Variants in WNK3 observed in about 807,000 individuals in gnomAD.
WNK3 encodes WNK lysine deficient protein kinase 3, also known as serine/threonine-protein kinase WNK3.
Under a neutral mutation model 116.7 loss-of-function variants are expected in WNK3, and 18 were observed. The ratio of observed to expected loss-of-function variants is 0.15; its 90% CI spans 0.11 to 0.23. The LOEUF (loss-of-function observed/expected upper bound fraction) is 0.23, where lower values mean the gene tolerates loss of function less well. WNK3 is among the 10% of genes least tolerant of loss of function. The pLI, the probability that WNK3 is intolerant of heterozygous loss-of-function variation, is 1.00. For missense variants in WNK3, 993 were observed against 1,323.8 expected (o/e 0.75, Z 3.88); for synonymous variants, 404 against 469.4 (o/e 0.86, Z 1.80).
chrX:54,330,906 G>A (rs1324730875), intron 2 of WNK3, among the ~76,000 whole-genome samples: 2 of 111,500 alleles, frequency 1.8e-5, no homozygotes, highest in Admixed American at 9.6e-5. Context: ...CCAGCTACTC[G>A]AGAGGCTGAA....
intron 10 of WNK3, among the ~76,000 whole-genome samples, chrX:54,285,672 T>C (rs1482571101): frequency 8.9e-6 from 1 of 112,089 alleles, no homozygotes; most frequent in Non-Finnish European, 1.9e-5. Context: ...AGAGATTATA[T>C]AGCCTGCAAA....
exon 6 of WNK3, chrX:54,301,780 T>A: frequency 8.3e-7 from 1 of 1,206,381 alleles, no homozygotes; most frequent in Non-Finnish European, 1.1e-6. Context: ...CCTTTCAGAT[T>A]TGTTTTGACG....
intron 15 of WNK3, 37 bp downstream of exon 15, chrX:54,251,362 C>T: frequency 9.6e-7 from 1 of 1,044,398 alleles, no homozygotes; most frequent in Non-Finnish European, 1.3e-6. Flanking sequence ...TGTCTTGCTT[C>T]AAAAACCAAA....
chrX:54,215,927 T>C (rs1557145158), intron 22 of WNK3, among the ~76,000 whole-genome samples: 2 of 111,755 alleles, frequency 1.8e-5, no homozygotes, highest in South Asian at 3.7e-4. Flanking sequence ...CATTTTGTTC[T>C]GTACTAAGAA....
At chrX:54,207,702 T>A (rs1166574198) in intron 22 of WNK3, among the ~76,000 whole-genome samples, 1 of 108,957 alleles carries the variant, frequency 9.2e-6, no homozygotes, top group East Asian at 2.9e-4. Flanking sequence ...TTAGTAGAGA[T>A]GGGGTATCAC....
intron 10 of WNK3, among the ~76,000 whole-genome samples, chrX:54,266,239 A>C (rs1232544690): frequency 9.0e-6 from 1 of 111,397 alleles, no homozygotes; most frequent in Non-Finnish European, 1.9e-5. Context: ...GGAGCTAAAA[A>C]TTATAACAAT....
chrX:54,286,957 C>T (rs141222264), intron 10 of WNK3, among the ~76,000 whole-genome samples: 1 of 109,251 alleles, frequency 9.2e-6, no homozygotes, highest in African/African-American at 3.3e-5. Context: ...AACTAAATCT[C>T]ACTGAAGCCA....
At chrX:54,301,003 G>A (rs2068751507) in intron 6 of WNK3, among the ~76,000 whole-genome samples, 1 of 110,804 alleles carries the variant, frequency 9.0e-6, no homozygotes, top group Admixed American at 9.7e-5. Flanking sequence ...AGCACTTTGG[G>A]AGGCTGAGAC....
chrX:54,270,703 A>AGGTATTTGTCCT (rs1275894219), intron 10 of WNK3, among the ~76,000 whole-genome samples: 1 of 109,846 alleles, frequency 9.1e-6, no homozygotes, highest in African/African-American at 3.3e-5. Context: ...CGCATGCATT[A>AGGTATTTGTCCT]GGTATTTGTC....
intron 11 of WNK3, among the ~76,000 whole-genome samples, 155 bp downstream of exon 11, chrX:54,259,119 C>CA (rs58139835): frequency 0.025 from 1,112 of 45,193 alleles, 5 homozygotes; most frequent in Non-Finnish European, 0.039. Context: ...CATAAAAAAG[C>CA]AAAAAAAAAA....
At chrX:54,227,822 A>G (rs2067859263) in intron 22 of WNK3, among the ~76,000 whole-genome samples, 1 of 112,943 alleles carries the variant, frequency 8.9e-6, no homozygotes, top group Non-Finnish European at 1.9e-5. Context: ...AAAAGTCACA[A>G]AAGACCACAT....
chrX:54,328,020 G>T (rs1289006571), intron 2 of WNK3, among the ~76,000 whole-genome samples: 1 of 108,553 alleles, frequency 9.2e-6, no homozygotes, highest in Non-Finnish European at 1.9e-5. Flanking sequence ...CATTAGGGGA[G>T]AAAATTAAGC....
chrX:54,324,923 C>G lies in WNK3; in HGVS notation c.537+8214G>C, dbSNP rs2069081236. ...TCGTATCTAATTCTAATTTCACAATCAAATGTAATAGGGCTAATGTCTCAA... is the reference window on the plus strand; with the variant it reads ...TCGTATCTAATTCTAATTTCACAATGAAATGTAATAGGGCTAATGTCTCAA... On this transcript the variant is annotated intron_variant, in intron 2 of 23. Coordinates refer to ENST00000354646, the Ensembl canonical transcript of WNK3. 1.8e-5 allele frequency among the ~76,000 whole-genome samples: 2 copies of G among 112,146 alleles called. 1 individual carries two copies. Among genetic ancestry groups the G allele is most frequent in the African/African-American group, 6.5e-5 (2 of 30,947 alleles).
chrX:54,248,037 T>C (rs782308201), intron 17 of WNK3, among the ~76,000 whole-genome samples: 2 of 110,436 alleles, frequency 1.8e-5, no homozygotes, highest in South Asian at 7.9e-4. Flanking sequence ...GGTCAAGAGT[T>C]CGAGACCAGC....
chrX:54,312,362 A>C (rs1275431750), intron 2 of WNK3, among the ~76,000 whole-genome samples: 1 of 111,240 alleles, frequency 9.0e-6, no homozygotes, highest in African/African-American at 3.3e-5. Flanking sequence ...TGTTAGAAAA[A>C]TTTTGTTATC....
At chrX:54,223,185 T>C (rs1241977853) in intron 22 of WNK3, 5 of 109,645 alleles carry the variant, frequency 4.6e-5, no homozygotes, top group Non-Finnish European at 9.5e-5. Flanking sequence ...ATGATAACAA[T>C]AAACACAATT....
At position 54,226,593 on chromosome X, in the gene WNK3, G is replaced by A. The variant is rs1324107839; in HGVS notation, c.4870+2121C>T. Among the ~76,000 whole-genome samples the A allele has an allele frequency of 3.7e-5, 4 of 108,883 alleles. No homozygotes were observed. In the Admixed American group the frequency reaches 3.9e-4, roughly 11 times the overall value. 94.6% of individuals were successfully genotyped at this position (108,883 alleles called of 115,157 possible). A position where few individuals can be genotyped will look rare whatever the true frequency, so the allele number is the denominator to read the frequency against. ...ACGGTGGCTCATGCCTGTAATCCCA[G>A]CACTTTGGGAGGCCAAAGTGGGCGG... On this transcript the variant is annotated intron_variant, in intron 22 of 23. Coordinates refer to ENST00000354646, the Ensembl canonical transcript of WNK3.
exon 7 of WNK3, chrX:54,298,298 G>T (rs1340217857): frequency 1.7e-6 from 2 of 1,207,754 alleles, no homozygotes; most frequent in Non-Finnish European, 2.2e-6. Context: ...TTAAAGCAAG[G>T]GATGAATTTG....
rs182957602 is a variant in WNK3, at chrX:54,295,851, C to A, written c.1399-1004G>T. Among the ~76,000 whole-genome samples, 3 of 110,764 alleles carry A rather than the reference C, an allele frequency of 2.7e-5. No homozygotes were observed. In the Admixed American group the frequency reaches 2.9e-4, roughly 11 times the overall value. ...CACAGGCATGCACCACCACACCTGG[C>A]TAATTTTTAATTTTTTGTAGAGATG... is the stretch of plus-strand genomic sequence containing the variant. On this transcript the variant is annotated intron_variant, in intron 7 of 23. Transcript: ENST00000354646.
Sources: gnomAD v4.1 joint callset for allele counts (sites outside exome capture counted in the v4.1 genomes callset) on GRCh38, gnomAD v4.1.1 for gene constraint, MANE v1.5 for transcripts, NCBI Gene and HGNC (gene_info 2026-07-23, HGNC 2026-07-21) for gene names.